BCO2: variants seen among roughly 807,000 people sequenced by gnomAD.
BCO2 encodes beta-carotene oxygenase 2.
Under a neutral mutation model 65.8 loss-of-function variants are expected in BCO2, and 56 were observed. The ratio of observed to expected loss-of-function variants is 0.85; its 90% confidence interval spans 0.69 to 1.06. BCO2 has a LOEUF of 1.06. Ranked by LOEUF, BCO2 falls within the 50% of genes least tolerant of loss-of-function variation. The pLI is 0.00. For synonymous variants in BCO2, 233 were observed against 242.3 expected, an observed-to-expected ratio of 0.96 and a Z score of 0.36; for missense variants, 675 against 698.5, an observed-to-expected ratio of 0.97 and a Z score of 0.38.
intron 2 of BCO2, among the ~76,000 whole-genome samples, chr11:112,184,471 T>G (rs1468134289): frequency 6.6e-6 from 1 of 152,064 alleles, no homozygotes; most frequent in African/African-American, 2.4e-5. Flanking sequence ...GCCAGGATGG[T>G]CTCGATCTCC....
In BCO2 at chr11:112,214,639, A is replaced by G. The variant is rs2303871; in HGVS notation, c.1333-123A>G. ...AAGAGGAACAATATTAAAACATGACATAGAACCTCAGTTCCCAAGCCCTGT... is the reference window on the plus strand; with the variant it reads ...AAGAGGAACAATATTAAAACATGACGTAGAACCTCAGTTCCCAAGCCCTGT... On this transcript the variant is annotated intron_variant, in intron 9 of 11. Transcript: ENST00000357685. The G allele has an allele frequency of 2.3e-4, 156 of 681,846 alleles. 2 individuals are homozygous for G. The East Asian group carries it at 4.1e-3, about 18-fold the overall frequency. 42.2% of individuals were successfully genotyped at this position (681,846 alleles called of 1,614,324 possible). A position where few individuals can be genotyped will look rare whatever the true frequency, so the allele number is the denominator to read the frequency against.
intron 2 of BCO2, among the ~76,000 whole-genome samples, chr11:112,185,456 A>T (rs958082884): frequency 1.3e-5 from 2 of 152,336 alleles, no homozygotes; most frequent in Non-Finnish European, 2.9e-5. Flanking sequence ...AAATATTAGA[A>T]ACAATTTATT....
At chr11:112,208,957 CA>C (rs369497393) in intron 8 of BCO2, 19 of 150,174 alleles carry the variant, frequency 1.3e-4, no homozygotes, top group South Asian at 2.1e-4. Flanking sequence ...AAAGGACTTC[CA>C]AAAAAAAATA....
At chr11:112,200,816 CAA>C (rs774395900) in intron 7 of BCO2, 43 bp downstream of exon 7, 2 of 1,590,384 alleles carry the variant, frequency 1.3e-6, no homozygotes, top group East Asian at 4.5e-5. Context: ...TTGTTGGAAA[CAA>C]AGGCAAATTT....
intron 2 of BCO2, among the ~76,000 whole-genome samples, chr11:112,187,574 A>T (rs1326297819): frequency 2.0e-5 from 3 of 150,772 alleles, no homozygotes; most frequent in Non-Finnish European, 3.0e-5. Flanking sequence ...CCCTCAGCAG[A>T]TAAACTGGCC....
At chr11:112,176,864 A>T (rs1490951423) in intron 1 of BCO2, among the ~76,000 whole-genome samples, 2 of 152,192 alleles carry the variant, frequency 1.3e-5, no homozygotes, top group Non-Finnish European at 2.9e-5. Context: ...AAACTAGCAG[A>T]ATGCAGAGAG....
intron 6 of BCO2, 104 bp downstream of exon 6, chr11:112,199,931 G>A: frequency 7.3e-7 from 1 of 1,372,836 alleles, no homozygotes; most frequent in East Asian, 2.3e-5. Context: ...TCACGCTATG[G>A]TGATAATGAG....
chr11:112,207,454 A>G (rs1262626040), intron 8 of BCO2, among the ~76,000 whole-genome samples: 3 of 152,172 alleles, frequency 2.0e-5, no homozygotes, highest in East Asian at 1.9e-4. Flanking sequence ...ATATTATCCT[A>G]TGTTATCTTC....
At chr11:112,186,385 C>A (rs1867201393) in intron 2 of BCO2, among the ~76,000 whole-genome samples, 2 of 151,758 alleles carry the variant, frequency 1.3e-5, no homozygotes, top group Admixed American at 6.6e-5. Flanking sequence ...CAGTGGTGGG[C>A]ATTTATAGCA....
Position 112,193,907 on chromosome 11 carries a change from T to A in BCO2, c.546T>A (p.Tyr182Ter). The A allele has an allele frequency of 3.7e-6, 6 of 1,611,124 alleles. No homozygotes were observed. Among genetic ancestry groups the A allele is most frequent in the Middle Eastern group, 1.7e-4 (1 of 6,060 alleles). The change falls in exon 4 of 12, where the codon TAT (tyrosine) becomes TAA (stop). Residue 182 changes from tyrosine (Y) to a stop codon, truncating the protein, a stop_gained. Transcript: ENST00000357685. LOFTEE classifies it high-confidence loss of function. The stretch of plus-strand genomic sequence containing the variant: ...TGACTGACAATACTAATGTCAACTA[T>A]GTGCGGTACAAGGGTGATTACTACC... Reference protein sequence around the residue: ...AAMTDNTNVNYVRYKGDYYLC... With the variant: ...AAMTDNTNVN
chr11:112,211,485 G>C (rs1859510731), intron 8 of BCO2, among the ~76,000 whole-genome samples: 1 of 151,916 alleles, frequency 6.6e-6, no homozygotes, highest in African/African-American at 2.4e-5. Flanking sequence ...TATATATCTA[G>C]AAGTGGAATT....
intron 8 of BCO2, chr11:112,208,908 C>A: frequency 6.2e-6 from 1 of 160,642 alleles, no homozygotes. Flanking sequence ...ATCACTGTGG[C>A]TGCTGTTTGT....
At chr11:112,203,067 A>AT (rs1344024766) in intron 8 of BCO2, among the ~76,000 whole-genome samples, 3 of 151,458 alleles carry the variant, frequency 2.0e-5, no homozygotes, top group African/African-American at 7.3e-5. Flanking sequence ...AAAAAAAAAA[A>AT]GCATATGTGA....
Position 112,218,024 on chromosome 11 carries a change from C to A in BCO2, c.*150C>A. 1.7e-6 allele frequency: 1 copy of A among 580,484 alleles called. No homozygotes were observed. 36.0% of individuals were successfully genotyped at this position (580,484 alleles called of 1,614,324 possible). Reference sequence around the variant, plus strand: ...AGCTACCTATTGAATACTATGTTCCCTATTTGGGTGATGGGTTCGTTAGAA... The same window carrying A: ...AGCTACCTATTGAATACTATGTTCCATATTTGGGTGATGGGTTCGTTAGAA... On this transcript the variant is annotated 3_prime_UTR_variant, in exon 12 of 12. Transcript: ENST00000357685.
At chr11:112,204,081 T>A (rs1867807076) in intron 8 of BCO2, among the ~76,000 whole-genome samples, 1 of 152,190 alleles carries the variant, frequency 6.6e-6, no homozygotes, top group African/African-American at 2.4e-5. Flanking sequence ...CTCTAACTCT[T>A]GACTTCAGGT....
Position 112,218,414 on chromosome 11 carries a change from G to A in BCO2, c.*540G>A. ...CGGAAGACTGCCCTCACTCATCATG[G>A]CCTAGCATGTGCAATTTGTGAAGCT... is the stretch of plus-strand genomic sequence containing the variant. On this transcript the variant is annotated 3_prime_UTR_variant, in exon 12 of 12. Coordinates refer to ENST00000357685, the MANE Select transcript of BCO2 (RefSeq NM_031938.7). The A allele has an allele frequency of 5.2e-6, 1 of 193,086 alleles. No individual in the cohort carries two copies. The allele number at this position is 193,086 out of a possible 1,614,324, so 12.0% of individuals were successfully genotyped here.
At chr11:112,196,829 C>CCTT (rs1247267050) in intron 5 of BCO2, among the ~76,000 whole-genome samples, 1 of 150,592 alleles carries the variant, frequency 6.6e-6, no homozygotes, top group Non-Finnish European at 1.5e-5. Flanking sequence ...TCCTCCTCCT[C>CCTT]CTTCTCTCTC....
At chr11:112,209,404 C>T (rs1397473699) in intron 8 of BCO2, among the ~76,000 whole-genome samples, 1 of 152,188 alleles carries the variant, frequency 6.6e-6, no homozygotes, top group East Asian at 1.9e-4. Flanking sequence ...TAAGGTTCCT[C>T]TGTGTCTTTT....
intron 8 of BCO2, among the ~76,000 whole-genome samples, chr11:112,203,554 C>T (rs1198564641): frequency 6.6e-6 from 1 of 151,976 alleles, no homozygotes; most frequent in African/African-American, 2.4e-5. Context: ...TATAGTGAGG[C>T]AGATTAACAT....
Sources: gnomAD v4.1 joint callset for allele counts (sites outside exome capture counted in the v4.1 genomes callset) on GRCh38, gnomAD v4.1.1 for gene constraint, MANE v1.5 for transcripts, NCBI Gene and HGNC (gene_info 2026-07-23, HGNC 2026-07-21) for gene names.